The following CRB1 variants were observed in gnomAD, a reference collection of about 807,000 sequenced individuals.
CRB1 encodes crumbs cell polarity complex component 1.
In CRB1, 83 loss-of-function variants were observed where a neutral mutation model predicts 120.0. The observed-to-expected ratio is 0.69, with a 90% CI of 0.58 to 0.83. CRB1 has a LOEUF of 0.83. CRB1 is among the 40% of genes least tolerant of loss of function. The pLI, the probability that CRB1 is intolerant of heterozygous loss-of-function variation, is 0.00. For synonymous variants in CRB1, 625 were observed against 612.5 expected (o/e 1.02, Z -0.30); for missense variants, 1,699 against 1,687.6 (o/e 1.01, Z -0.12).
the CRB1 span, among the ~76,000 whole-genome samples, chr1:197,246,152 A>C: frequency 4.6e-5 from 7 of 152,036 alleles, no homozygotes; most frequent in African/African-American, 1.7e-4. Context: ...CAATCTCTGT[A>C]ACACCCCAGC....
intron 11 of CRB1, among the ~76,000 whole-genome samples, chr1:197,466,490 C>T (rs1454808739): frequency 6.6e-6 from 1 of 152,058 alleles, no homozygotes; most frequent in Non-Finnish European, 1.5e-5. Flanking sequence ...GGCCATAAAT[C>T]CTCAGTAAAA....
intron 1 of CRB1, among the ~76,000 whole-genome samples, chr1:197,319,706 T>A (rs1658078176): frequency 6.6e-6 from 1 of 152,158 alleles, no homozygotes; most frequent in Non-Finnish European, 1.5e-5. Flanking sequence ...TACTCTTTTT[T>A]CCCCTGTGTT....
intron 11 of CRB1, among the ~76,000 whole-genome samples, chr1:197,467,690 T>A (rs1666808904): frequency 6.6e-6 from 1 of 152,202 alleles, no homozygotes; most frequent in South Asian, 2.1e-4. Context: ...TCCCTTGTCT[T>A]CTAAAATTAT....
chr1:197,285,434 T>C (rs1160960515), intron 1 of CRB1, among the ~76,000 whole-genome samples: 1 of 151,782 alleles, frequency 6.6e-6, no homozygotes, highest in African/African-American at 2.4e-5. Context: ...AACAGACTAG[T>C]TAGAAGAATG....
chr1:197,220,161 A>G, the CRB1 span, among the ~76,000 whole-genome samples: 4 of 152,202 alleles, frequency 2.6e-5, no homozygotes, highest in African/African-American at 9.7e-5. Context: ...TGAAAGAAAA[A>G]AAATTAACTA....
At position 197,420,985 on chromosome 1, in the gene CRB1, T is replaced by C. The variant is rs375141011; in HGVS notation, c.1172-15T>C. On this transcript the variant is annotated splice_polypyrimidine_tract_variant and intron_variant, in intron 5 of 11. Coordinates refer to ENST00000367400, the MANE Select transcript of CRB1 (RefSeq NM_201253.3). ...TGAATATATATAATTTTAGCCCTTT[T>C]TTATTATTTAACAGGAATCCACTGC... The C allele has an allele frequency of 6.9e-6, 10 of 1,449,530 alleles. No homozygotes were observed. The Admixed American group carries it at 1.0e-4, about 15-fold the overall frequency. The allele number at this position is 1,449,530 out of a possible 1,614,324, so 89.8% of individuals were successfully genotyped here. A position where few individuals can be genotyped will look rare whatever the true frequency, so the allele number is the denominator to read the frequency against.
intron 6 of CRB1, among the ~76,000 whole-genome samples, chr1:197,425,938 G>A (rs942460987): frequency 3.3e-5 from 5 of 151,720 alleles, no homozygotes; most frequent in African/African-American, 7.3e-5. Flanking sequence ...AGGTGGGGCC[G>A]ATGGAAGGTG....
chr1:197,364,112 C>T, intron 5 of CRB1: 1 of 977,202 alleles, frequency 1.0e-6, no homozygotes, highest in Non-Finnish European at 1.5e-6. Flanking sequence ...GCTGCTGAGG[C>T]TTGTGGATGG....
At chr1:197,335,019 C>A (rs1558061561) in intron 2 of CRB1, among the ~76,000 whole-genome samples, 1 of 152,156 alleles carries the variant, frequency 6.6e-6, no homozygotes, top group Non-Finnish European at 1.5e-5. Flanking sequence ...TCAAGAAAGT[C>A]TTCACTGAGA....
At chr1:197,293,147 G>A (rs1448775544) in intron 1 of CRB1, among the ~76,000 whole-genome samples, 2 of 152,226 alleles carry the variant, frequency 1.3e-5, no homozygotes, top group Admixed American at 1.3e-4. Context: ...TGATATGATT[G>A]TATATTTAGA....
intron 11 of CRB1, among the ~76,000 whole-genome samples, chr1:197,453,895 AT>A (rs1226139651): frequency 7.4e-6 from 1 of 134,394 alleles, no homozygotes; most frequent in African/African-American, 2.8e-5. Context: ...TATTAATATT[AT>A]TATATTATTA....
rs540276345 is a variant in CRB1, at chr1:197,371,187, T to C, written c.1171+14174T>C. Reference sequence around the variant, plus strand: ...AGCACTATAATTATTCCCTTGCATATACCTTCGGCTCACCTGATTCTTTCT... The same window carrying C: ...AGCACTATAATTATTCCCTTGCATACACCTTCGGCTCACCTGATTCTTTCT... On this transcript the variant is annotated intron_variant, in intron 5 of 11. Coordinates refer to ENST00000367400, the MANE Select transcript of CRB1 (RefSeq NM_201253.3). 2.0e-5 allele frequency among the ~76,000 whole-genome samples: 3 copies of C among 152,302 alleles called. No homozygotes were observed. In the East Asian group the frequency reaches 5.8e-4, roughly 29 times the overall value.
intron 1 of CRB1, among the ~76,000 whole-genome samples, chr1:197,326,164 G>T (rs1658482619): frequency 6.6e-6 from 1 of 152,154 alleles, no homozygotes; most frequent in South Asian, 2.1e-4. Flanking sequence ...CTATGGCTTT[G>T]ACAGTTAATA....
chr1:197,346,860 A>C (rs1659805124), intron 3 of CRB1, among the ~76,000 whole-genome samples: 1 of 152,186 alleles, frequency 6.6e-6, no homozygotes, highest in Admixed American at 6.5e-5. Context: ...GTTTTTCATA[A>C]TTTATGGTTT....
chr1:197,347,624 G>A (rs868748875), intron 4 of CRB1, 145 bp downstream of exon 4: 3 of 895,972 alleles, frequency 3.3e-6, no homozygotes, highest in African/African-American at 3.3e-5. Context: ...TTATTCTTCA[G>A]TGCTCACACA....
At chr1:197,475,068 T>TA (rs1390289957) in intron 11 of CRB1, among the ~76,000 whole-genome samples, 1 of 152,188 alleles carries the variant, frequency 6.6e-6, no homozygotes, top group East Asian at 1.9e-4. Flanking sequence ...CTATTTTTTC[T>TA]AAAAAACTAC....
intron 10 of CRB1, chr1:197,440,308 T>A (rs1665371149): frequency 6.6e-6 from 1 of 152,216 alleles, no homozygotes; most frequent in Non-Finnish European, 1.5e-5. Flanking sequence ...TCTTCTGATA[T>A]TTATTAGTTT....
intron 2 of CRB1, among the ~76,000 whole-genome samples, chr1:197,343,171 G>A (rs1244113651): frequency 2.0e-5 from 3 of 152,114 alleles, no homozygotes; most frequent in South Asian, 2.1e-4. Flanking sequence ...TGCATTTTCT[G>A]TAGAGAAAAA....
At chr1:197,285,646 G>T (rs1655783972) in intron 1 of CRB1, among the ~76,000 whole-genome samples, 1 of 151,788 alleles carries the variant, frequency 6.6e-6, no homozygotes, top group Non-Finnish European at 1.5e-5. Context: ...TCTTCTTGAG[G>T]CATCGCAGTC....
Sources: gnomAD v4.1 joint callset for allele counts (sites outside exome capture counted in the v4.1 genomes callset) on GRCh38, gnomAD v4.1.1 for gene constraint, MANE v1.5 for transcripts, NCBI Gene and HGNC (gene_info 2026-07-23, HGNC 2026-07-21) for gene names.